Variants in MYOM2 observed in about 807,000 individuals in gnomAD.
MYOM2 encodes myomesin 2.
In MYOM2, 254 loss-of-function variants were observed where a neutral mutation model predicts 187.6. That is an observed-to-expected ratio of 1.35 (90% CI 1.22 to 1.50). MYOM2 has a LOEUF of 1.50. MYOM2 is among the 40% of genes most tolerant of loss of function. The probability of loss-of-function intolerance (pLI) is 0.00; values close to 1 mark genes in which losing one functional copy is unlikely to be tolerated. For missense variants in MYOM2, 2,796 were observed against 1,924.0 expected, an observed-to-expected ratio of 1.45 and a Z score of -8.48; for synonymous variants, 981 against 753.8, an observed-to-expected ratio of 1.30 and a Z score of -4.94.
At chr8:2,049,568 C>T (rs760922099) in intron 1 of MYOM2, among the ~76,000 whole-genome samples, 10 of 152,152 alleles carry the variant, frequency 6.6e-5, no homozygotes, top group Admixed American at 2.0e-4. Flanking sequence ...ACCCATGGCC[C>T]GGGATGTGGG....
intron 3 of MYOM2, among the ~76,000 whole-genome samples, chr8:2,052,652 A>G (rs1403639437): frequency 1.3e-5 from 2 of 152,198 alleles, no homozygotes; most frequent in Admixed American, 6.5e-5. Flanking sequence ...GTGGCTTCCA[A>G]GCCAAGCTCA....
At chr8:2,076,111 G>A (rs1351655658) in intron 10 of MYOM2, 30 bp from the exon 11 acceptor site, 1 of 1,598,932 alleles carries the variant, frequency 6.3e-7, no homozygotes, top group Non-Finnish European at 8.5e-7. Context: ...TTAAATGACA[G>A]GCGTGTGCCT....
chr8:2,087,656 G>C lies in MYOM2; in HGVS notation c.1644+2266G>C, dbSNP rs538609683. ...GACCAGGTCTCATTTTGTCACTCAG[G>C]CTAGAGTGCAGTGGCACAGTCATGG... On this transcript the variant is annotated intron_variant, in intron 14 of 36. Transcript: ENST00000262113. Among the ~76,000 whole-genome samples, 5 of 152,184 alleles carry C rather than the reference G, an allele frequency of 3.3e-5. No homozygotes were observed. The East Asian group carries it at 7.7e-4, about 23-fold the overall frequency.
intron 2 of MYOM2, 96 bp downstream of exon 2, chr8:2,050,969 T>C: frequency 2.1e-6 from 2 of 947,906 alleles, no homozygotes; most frequent in East Asian, 5.3e-5. Context: ...GGAGAGGCAC[T>C]GGTTTGCAGG....
intron 2 of MYOM2, 69 bp from the exon 3 acceptor site, chr8:2,052,089 T>C (rs1818509450): frequency 1.3e-6 from 2 of 1,590,730 alleles, no homozygotes; most frequent in Non-Finnish European, 1.7e-6. Context: ...GAGAAAGTGA[T>C]GTGTGTCAGG....
At position 2,076,301 on chromosome 8, in the gene MYOM2, C is replaced by A; in HGVS notation, c.1262+19C>A. 1 of 1,611,728 alleles carries A rather than the reference C, an allele frequency of 6.2e-7. No individual in the cohort carries two copies. Among genetic ancestry groups the A allele is most frequent in the Non-Finnish European group, 8.5e-7 (1 of 1,179,108 alleles). On this transcript the variant is annotated intron_variant, in intron 11 of 36. Transcript: ENST00000262113. ...TGGACCGGTGAGCGTCTTGCATTCT[C>A]CCGGGGATGGGAACGTTCCGCATGG... is the stretch of plus-strand genomic sequence containing the variant.
At position 2,073,482 on chromosome 8, in the gene MYOM2, G is replaced by C. The variant is rs758822676; in HGVS notation, c.1102G>C (p.Ala368Pro). The C allele has an allele frequency of 6.2e-7, 1 of 1,605,664 alleles. No individual in the cohort carries two copies. The highest frequency in any genetic ancestry group is 1.1e-5 in the South Asian group (1 of 90,716). ...VSRGGVSDHS[A>P]FLFVRDADPL... ...TCGGGGCGGCGTCAGCGACCACAGC[G>C]CCTTCCTGTTTGTCAGAGGTGCGGG... The change falls in exon 10 of 37, where the codon GCC becomes CCC. Residue 368 changes from alanine (A) to proline (P), a missense_variant. Coordinates refer to ENST00000262113, the MANE Select transcript of MYOM2 (RefSeq NM_003970.4).
rs144512709 is a variant in MYOM2 at position 2,049,786 on chromosome 8, T to G, written c.-12-969T>G. On this transcript the variant is annotated intron_variant, in intron 1 of 36. Transcript: ENST00000262113. ...GTGATGATCAAGTCACTCAGCACGTTGGCATTTTACGTGTTTTGGGTGAAC... is the reference window on the plus strand; with the variant it reads ...GTGATGATCAAGTCACTCAGCACGTGGGCATTTTACGTGTTTTGGGTGAAC... Among the ~76,000 whole-genome samples the G allele has an allele frequency of 4.9e-4, 74 of 152,352 alleles. No homozygotes were observed. In the East Asian group the frequency reaches 0.014, roughly 29 times the overall value.
At position 2,072,469 on chromosome 8, in the gene MYOM2, C is replaced by T. The variant is rs1219456233; in HGVS notation, c.918C>T (p.Asp306=). Residue 306 remains aspartate (D), a synonymous_variant, in exon 9 of 37, where the codon GAC becomes GAT. Transcript: ENST00000262113. ...TLKCTMLVTP[D]LKRVQPRAEW... is the part of the protein sequence containing the mutation. ...AGTGCACCATGCTGGTGACGCCGGA[C>T]CTGAAGCGGGTGCAGCCGCGCGCCG... is the stretch of plus-strand genomic sequence containing the variant. 6.2e-7 allele frequency: 1 copy of T among 1,613,912 alleles called. No homozygotes were observed. Among genetic ancestry groups the T allele is most frequent in the Non-Finnish European group, 8.5e-7 (1 of 1,180,040 alleles).
chr8:2,068,022 G>C (rs1201560861), intron 6 of MYOM2, among the ~76,000 whole-genome samples: 1 of 152,176 alleles, frequency 6.6e-6, no homozygotes, highest in Non-Finnish European at 1.5e-5. Flanking sequence ...GGTACAAGCT[G>C]TGTTGAGGGC....
In MYOM2 at chr8:2,125,148, A is replaced by G. The variant is rs567811555; in HGVS notation, c.3694+931A>G. Among the ~76,000 whole-genome samples the G allele has an allele frequency of 1.3e-3, 202 of 152,300 alleles. 2 individuals carry two copies. Among genetic ancestry groups the G allele is most frequent in the African/African-American group, 4.8e-3 (200 of 41,572 alleles). On this transcript the variant is annotated intron_variant, in intron 31 of 36. Transcript: ENST00000262113. ...GCCTGTATTTTTGATGTCCTATCCA[A>G]GCGATCACTGCCCAGATCCATGCTG... is the stretch of plus-strand genomic sequence containing the variant.
chr8:2,058,326 T>A (rs1818742847), intron 5 of MYOM2, among the ~76,000 whole-genome samples: 1 of 152,066 alleles, frequency 6.6e-6, no homozygotes, highest in Non-Finnish European at 1.5e-5. Flanking sequence ...CCAGAGTGTA[T>A]TGTTTAAAAG....
chr8:2,141,288 C>T, intron 34 of MYOM2, 111 bp downstream of exon 34: 1 of 869,620 alleles, frequency 1.1e-6, no homozygotes, highest in Non-Finnish European at 1.8e-6. Flanking sequence ...AAGAAAGAGC[C>T]ATTCCTGGGA....
intron 1 of MYOM2, among the ~76,000 whole-genome samples, chr8:2,045,782 G>A (rs1470524191): frequency 6.6e-6 from 1 of 152,226 alleles, no homozygotes; most frequent in African/African-American, 2.4e-5. Context: ...CCACTCCGCT[G>A]ATAGAGGCTG....
At chr8:2,118,081 CG>C in intron 28 of MYOM2, 129 bp downstream of exon 28, 1 of 705,234 alleles carries the variant, frequency 1.4e-6, no homozygotes, top group East Asian at 2.7e-5. Flanking sequence ...TGTGTAGCTG[CG>C]GATGGGCGGA....
At chr8:2,083,693 C>A (rs1162273226) in intron 13 of MYOM2, among the ~76,000 whole-genome samples, 2 of 152,216 alleles carry the variant, frequency 1.3e-5, no homozygotes, top group African/African-American at 4.8e-5. Context: ...CTCTCCCTGG[C>A]TCGAGGGACC....
rs1445995825 is a variant in MYOM2, at chr8:2,092,443, G to T, written c.1926G>T (p.Leu642=). The T allele has an allele frequency of 6.2e-7, 1 of 1,614,038 alleles. No individual in the cohort carries two copies. The highest frequency in any genetic ancestry group is 1.3e-5 in the African/African-American group (1 of 74,920). Residue 642 remains leucine (L), a synonymous_variant, in exon 16 of 37, where the codon CTG becomes CTT. Transcript: ENST00000262113. ...GACCTAAGCATGAGGAGGACCTGCT[G>T]GGCTACTACGTGGACTGCTGTGTGG... ...WDRPKHEEDL[L]GYYVDCCVAG...
rs560921371 is a variant in MYOM2 at position 2,103,939 on chromosome 8, C to T, written c.2734+1158C>T. On this transcript the variant is annotated intron_variant, in intron 21 of 36. Coordinates refer to ENST00000262113, the MANE Select transcript of MYOM2 (RefSeq NM_003970.4). ...ATGGATGGGTGTACGGATAAATGAACGGATGTCTTGCCGTTATTTTAAAAA... is the reference window on the plus strand; with the variant it reads ...ATGGATGGGTGTACGGATAAATGAATGGATGTCTTGCCGTTATTTTAAAAA... 9.2e-5 allele frequency among the ~76,000 whole-genome samples: 14 copies of T among 152,236 alleles called. No homozygotes were observed. The East Asian group carries it at 1.2e-3, about 13-fold the overall frequency.
At chr8:2,092,560 G>C in intron 16 of MYOM2, 40 bp downstream of exon 16, 1 of 1,603,158 alleles carries the variant, frequency 6.2e-7, no homozygotes, top group East Asian at 2.2e-5. Flanking sequence ...AGCCTTGCAG[G>C]AGTAGCAAGA....
Sources: gnomAD v4.1 joint callset for allele counts (sites outside exome capture counted in the v4.1 genomes callset) on GRCh38, gnomAD v4.1.1 for gene constraint, MANE v1.5 for transcripts, NCBI Gene and HGNC (gene_info 2026-07-23, HGNC 2026-07-21) for gene names.